ZBTB7A: variants seen among roughly 807,000 people sequenced by gnomAD.
ZBTB7A encodes the protein zinc finger and BTB domain containing 7A.
ZBTB7A carries 7 observed loss-of-function variants against 26.7 expected under a neutral mutation model. The observed-to-expected ratio is 0.26, with a 90% CI of 0.15 to 0.49. The LOEUF (loss-of-function observed/expected upper bound fraction) is 0.49, where lower values mean the gene tolerates loss of function less well. Ranked by LOEUF, ZBTB7A falls within the 20% of genes least tolerant of loss-of-function variation. The pLI is 0.98. For missense variants in ZBTB7A, 617 were observed against 919.5 expected (o/e 0.67, Z 4.25); for synonymous variants, 452 against 441.0 (o/e 1.02, Z -0.31).
Position 4,046,111 on chromosome 19 carries a change from G to A in ZBTB7A, c.*1641C>T. 1 of 399,030 alleles carries A rather than the reference G, an allele frequency of 2.5e-6. No individual in the cohort carries two copies. Among genetic ancestry groups the A allele is most frequent in the Non-Finnish European group, 4.4e-6 (1 of 226,092 alleles). 24.7% of individuals were successfully genotyped at this position (399,030 alleles called of 1,614,324 possible). A position where few individuals can be genotyped will look rare whatever the true frequency, so the allele number is the denominator to read the frequency against. Reference sequence around the variant, plus strand: ...CTAGGGAGGAGGAAGGAGAGACCCCGTGGACAGAAGCGGGCGCTAAGACCT... The same window carrying A: ...CTAGGGAGGAGGAAGGAGAGACCCCATGGACAGAAGCGGGCGCTAAGACCT... On this transcript the variant is annotated 3_prime_UTR_variant, in exon 3 of 3. Coordinates refer to ENST00000322357, the MANE Select transcript of ZBTB7A (RefSeq NM_015898.4).
At position 4,055,150 on chromosome 19, in the gene ZBTB7A, C is replaced by T. The variant is rs748528970; in HGVS notation, c.83G>A (p.Arg28Gln). 6.2e-7 allele frequency: 1 copy of T among 1,608,428 alleles called. No homozygotes were observed. The change falls in exon 2 of 3, where the codon CGG becomes CAG. Residue 28 changes from arginine (R) to glutamine (Q), a missense_variant. Coordinates refer to ENST00000322357, the MANE Select transcript of ZBTB7A (RefSeq NM_015898.4). ...SDILSGLNEQ[R>Q]TQGLLCDVVI... ...CACGTCGCACAGCAGGCCCTGCGTC[C>T]GCTGCTCGTTCAGCCCACTCAGGAT...
intron 1 of ZBTB7A, among the ~76,000 whole-genome samples, chr19:4,066,287 C>T (rs2040695366): frequency 6.7e-6 from 1 of 149,672 alleles, no homozygotes; most frequent in Non-Finnish European, 1.5e-5. Context: ...GAGAGCGCCC[C>T]TCGTCTTCAG....
Position 4,044,868 on chromosome 19 carries a change from T to G in ZBTB7A, c.*2884A>C, listed in dbSNP as rs910384159. The G allele has an allele frequency of 5.3e-5, 8 of 151,854 alleles. No individual in the cohort carries two copies. The highest frequency in any genetic ancestry group is 1.2e-4 in the Non-Finnish European group (8 of 67,982). The allele number at this position is 151,854 out of a possible 1,614,324, so 9.4% of individuals were successfully genotyped here. On this transcript the variant is annotated 3_prime_UTR_variant, in exon 3 of 3. Transcript: ENST00000322357. The stretch of plus-strand genomic sequence containing the variant: ...TCCTGAAACGCGAGAATTCAGCAGG[T>G]ATCTTTGGCAACACTTTATCACGAC...
In ZBTB7A at chr19:4,052,645, A is replaced by C. The variant is rs2144985402; in HGVS notation, c.1262+1326T>G. On this transcript the variant is annotated intron_variant, in intron 2 of 2. Transcript: ENST00000322357. The surrounding 1 kb of genome is among the most constrained non-coding windows in gnomAD (Gnocchi z 4.9). ...GGGCGGGGGGCAGGGGGTGGTGCTG[A>C]GTCACCCAGCCTGGCCAGGTCCCTG... is the stretch of plus-strand genomic sequence containing the variant. Among the ~76,000 whole-genome samples the C allele has an allele frequency of 6.6e-6, 1 of 151,790 alleles. No individual in the cohort carries two copies. Among genetic ancestry groups the C allele is most frequent in the African/African-American group, 2.4e-5 (1 of 41,400 alleles).
intron 1 of ZBTB7A, among the ~76,000 whole-genome samples, chr19:4,065,897 G>A (rs889557190): frequency 1.4e-5 from 2 of 142,482 alleles, no homozygotes; most frequent in African/African-American, 5.1e-5. Flanking sequence ...CCCGGCTCCA[G>A]GCCCCGCCCC....
chr19:4,065,023 C>T (rs928793239), intron 1 of ZBTB7A, among the ~76,000 whole-genome samples: 2 of 151,770 alleles, frequency 1.3e-5, no homozygotes, highest in Non-Finnish European at 2.9e-5. Flanking sequence ...CGCTCAGCCC[C>T]CAGCCAGGCT....
intron 1 of ZBTB7A, among the ~76,000 whole-genome samples, chr19:4,064,317 C>G (rs1044488926): frequency 1.3e-5 from 2 of 152,230 alleles, no homozygotes; most frequent in Non-Finnish European, 2.9e-5. Flanking sequence ...TTCCAGCGGC[C>G]GGCTCCTGCC....
At chr19:4,062,118 C>A (rs143848840) in intron 1 of ZBTB7A, 1,973 of 152,342 alleles carry the variant, frequency 0.013, 20 homozygotes, top group Middle Eastern at 0.034. Flanking sequence ...GGGAGCCTGG[C>A]GGCCTGCAGA....
intron 2 of ZBTB7A, among the ~76,000 whole-genome samples, chr19:4,049,858 T>C (rs1745334656): frequency 1.3e-5 from 2 of 152,156 alleles, no homozygotes; most frequent in Non-Finnish European, 2.9e-5. Flanking sequence ...ACAGTCAAAT[T>C]TGGGCTCAAA....
At position 4,047,428 on chromosome 19, in the gene ZBTB7A, G is replaced by A. The variant is rs879826858; in HGVS notation, c.*324C>T. 2.2e-4 allele frequency: 34 copies of A among 157,610 alleles called. No homozygotes were observed. The highest frequency in any genetic ancestry group is 4.6e-4 in the Non-Finnish European group (33 of 71,396). The allele number at this position is 157,610 out of a possible 1,614,324, so 9.8% of individuals were successfully genotyped here. On this transcript the variant is annotated 3_prime_UTR_variant, in exon 3 of 3. Coordinates refer to ENST00000322357, the MANE Select transcript of ZBTB7A (RefSeq NM_015898.4). ...ATGCCGGGTGCCCAGGGGGCTGTGCGGGGTCTCGGATTCCTTGTGTCCTAC... is the reference window on the plus strand; with the variant it reads ...ATGCCGGGTGCCCAGGGGGCTGTGCAGGGTCTCGGATTCCTTGTGTCCTAC...
chr19:4,057,952 C>T (rs988657291), intron 1 of ZBTB7A, among the ~76,000 whole-genome samples: 1 of 152,154 alleles, frequency 6.6e-6, no homozygotes, highest in Non-Finnish European at 1.5e-5. Flanking sequence ...ACCTAAGAGC[C>T]GACCCCTTGG....
In ZBTB7A at chr19:4,044,414, G is replaced by A. The variant is rs990537698; in HGVS notation, c.*3338C>T. 4.0e-5 allele frequency: 6 copies of A among 149,640 alleles called. No homozygotes were observed. The highest frequency in any genetic ancestry group is 6.6e-5 in the Admixed American group (1 of 15,086). The allele number at this position is 149,640 out of a possible 1,614,324, so 9.3% of individuals were successfully genotyped here. A position where few individuals can be genotyped will look rare whatever the true frequency, so the allele number is the denominator to read the frequency against. ...TTTTTTTTCCTTAATCTCAAAAGGC[G>A]GGGGGCGTCGGGGGGCAGAGGCAGG... is the stretch of plus-strand genomic sequence containing the variant. On this transcript the variant is annotated 3_prime_UTR_variant, in exon 3 of 3. Coordinates refer to ENST00000322357, the MANE Select transcript of ZBTB7A (RefSeq NM_015898.4).
Position 4,054,806 on chromosome 19 carries a change from G to A in ZBTB7A, c.427C>T (p.Leu143=). 1.9e-6 allele frequency: 3 copies of A among 1,592,366 alleles called. No homozygotes were observed. The highest frequency in any genetic ancestry group is 2.3e-5 in the East Asian group (1 of 43,644). The change falls in exon 2 of 3, where the codon CTG becomes TTG. Residue 143 remains leucine (L), a synonymous_variant. Transcript: ENST00000322357. The stretch of plus-strand genomic sequence containing the variant: ...TGATCAATTTGATCTACAAGGTCCA[G>A]CTGCCCGGCGTCGGCGCCCGCGTCG... ...AADAGADAGQ[L]DLVDQIDQRN... is the part of the protein sequence containing the mutation.
intron 1 of ZBTB7A, chr19:4,062,357 G>GGCCA (rs1456481267): frequency 6.6e-6 from 1 of 152,270 alleles, no homozygotes; most frequent in Non-Finnish European, 1.5e-5. Flanking sequence ...GGGGCCCAAG[G>GGCCA]GCCAGAGCCG....
In ZBTB7A at chr19:4,047,589, C is replaced by A; in HGVS notation, c.*163G>T. 1 of 581,810 alleles carries A rather than the reference C, an allele frequency of 1.7e-6. No homozygotes were observed. The highest frequency in any genetic ancestry group is 2.0e-5 in the African/African-American group (1 of 50,832). 36.0% of individuals were successfully genotyped at this position (581,810 alleles called of 1,614,324 possible). ...ATCTGAGAAAGCGCTACCCTAGATT[C>A]TGTGACGCGTCATATATATATATCT... On this transcript the variant is annotated 3_prime_UTR_variant, in exon 3 of 3. Transcript: ENST00000322357.
At chr19:4,051,372 C>A (rs1273694871) in intron 2 of ZBTB7A, among the ~76,000 whole-genome samples, 1 of 152,084 alleles carries the variant, frequency 6.6e-6, no homozygotes, top group Non-Finnish European at 1.5e-5. Context: ...CCCTCAAAGC[C>A]CTACCTTGAA....
At chr19:4,059,609 C>A (rs1599260719) in intron 1 of ZBTB7A, among the ~76,000 whole-genome samples, 1 of 152,278 alleles carries the variant, frequency 6.6e-6, no homozygotes, top group Non-Finnish European at 1.5e-5. Flanking sequence ...CTCCCAGGGG[C>A]TGGGGGCCAG....
At chr19:4,061,613 C>T (rs1001907572) in intron 1 of ZBTB7A, 3 of 152,266 alleles carry the variant, frequency 2.0e-5, no homozygotes, top group Non-Finnish European at 2.9e-5. Context: ...AACAGGCCCT[C>T]GGCCATTTTA....
intron 1 of ZBTB7A, among the ~76,000 whole-genome samples, chr19:4,057,026 G>GAAAAAAA (rs773127216): frequency 1.3e-5 from 1 of 78,730 alleles, no homozygotes; most frequent in Non-Finnish European, 2.5e-5. Context: ...GACTCGGTCT[G>GAAAAAAA]AAAAAAAAAA....
Sources: gnomAD v4.1 joint callset for allele counts (sites outside exome capture counted in the v4.1 genomes callset) on GRCh38, gnomAD v4.1.1 for gene constraint, Gnocchi (gnomAD v3.1) non-coding constraint, MANE v1.5 for transcripts, NCBI Gene and HGNC (gene_info 2026-07-23, HGNC 2026-07-21) for gene names.